Variants in ACOXL observed in about 807,000 individuals in gnomAD.
ACOXL encodes acyl-coenzyme A oxidase-like protein.
Under a neutral mutation model 71.9 loss-of-function variants are expected in ACOXL, and 70 were observed. The observed-to-expected ratio is 0.97, with a 90% CI of 0.80 to 1.19. ACOXL has a LOEUF of 1.19. ACOXL is among the 50% of genes most tolerant of loss of function. The pLI is 0.00. For missense variants in ACOXL, 703 were observed against 736.3 expected, an observed-to-expected ratio of 0.95 and a Z score of 0.52; for synonymous variants, 253 against 281.6, an observed-to-expected ratio of 0.90 and a Z score of 1.02.
At chr2:111,092,008 G>C (rs1386281602) in intron 16 of ACOXL, among the ~76,000 whole-genome samples, 1 of 152,154 alleles carries the variant, frequency 6.6e-6, no homozygotes, top group Admixed American at 6.5e-5. Flanking sequence ...AGAGGGTTTT[G>C]TTTTTGCTTG....
At chr2:111,116,172 C>T (rs2070340297) in intron 17 of ACOXL, among the ~76,000 whole-genome samples, 1 of 152,152 alleles carries the variant, frequency 6.6e-6, no homozygotes, top group Non-Finnish European at 1.5e-5. Flanking sequence ...TGGTTAAAGA[C>T]GTTGAGAGTT....
chr2:111,022,421 TCA>T (rs10543530), intron 14 of ACOXL, among the ~76,000 whole-genome samples: 58,941 of 147,264 alleles, frequency 0.4, 11,675 homozygotes, highest in South Asian at 0.49. Context: ...AGACCCCTCC[TCA>T]CACACACACA....
intron 12 of ACOXL, among the ~76,000 whole-genome samples, chr2:110,948,805 T>TCCAGGCAAAGTGGGCA (rs1272083649): frequency 6.7e-6 from 1 of 149,260 alleles, no homozygotes; most frequent in Non-Finnish European, 1.5e-5. Flanking sequence ...GGAACAGTCC[T>TCCAGGCAAAGTGGGCA]CCAGGCAAAG....
intron 11 of ACOXL, among the ~76,000 whole-genome samples, chr2:110,921,973 T>G (rs76748193): frequency 0.011 from 1,625 of 152,298 alleles, 35 homozygotes; most frequent in African/African-American, 0.038. Flanking sequence ...AAAATAGTGT[T>G]CTATGTACAC....
intron 12 of ACOXL, among the ~76,000 whole-genome samples, chr2:110,956,191 G>T (rs533501666): frequency 2.5e-4 from 38 of 152,182 alleles, no homozygotes; most frequent in African/African-American, 8.9e-4. Flanking sequence ...ATCTCAAAGT[G>T]CTGGGATTAC....
At chr2:110,913,388 A>G (rs2059718031) in intron 11 of ACOXL, among the ~76,000 whole-genome samples, 2 of 152,170 alleles carry the variant, frequency 1.3e-5, no homozygotes, top group African/African-American at 4.8e-5. Context: ...TAAACAAAAT[A>G]TGGCACATTC....
intron 12 of ACOXL, among the ~76,000 whole-genome samples, chr2:110,970,068 CCTCTTCTATTT>C (rs1233949299): frequency 6.6e-5 from 10 of 152,058 alleles, no homozygotes; most frequent in African/African-American, 2.4e-4. Context: ...GTTACTCTCT[CCTCTTCTATTT>C]TCAGAAAATT....
chr2:110,917,374 C>A (rs1393605654), intron 11 of ACOXL, among the ~76,000 whole-genome samples: 1 of 152,180 alleles, frequency 6.6e-6, no homozygotes, highest in East Asian at 1.9e-4. Flanking sequence ...TAAATACTCT[C>A]AATAAACTAG....
chr2:110,816,839 A>C (rs1217380692), intron 9 of ACOXL, among the ~76,000 whole-genome samples: 1 of 152,204 alleles, frequency 6.6e-6, no homozygotes, highest in African/African-American at 2.4e-5. Context: ...GCAGCTCCTC[A>C]AACAGGCCAC....
intron 2 of ACOXL, among the ~76,000 whole-genome samples, chr2:110,769,640 CTG>C (rs1681618376): frequency 6.6e-6 from 1 of 151,632 alleles, no homozygotes; most frequent in South Asian, 2.1e-4. Context: ...TGGTGAAACA[CTG>C]TTTCTACTAA....
At chr2:110,877,791 G>A (rs1696111052) in intron 10 of ACOXL, among the ~76,000 whole-genome samples, 1 of 152,250 alleles carries the variant, frequency 6.6e-6, no homozygotes. Flanking sequence ...GGAAGGGAGG[G>A]AAGCAGTGCC....
At chr2:111,075,034 G>C (rs2067527282) in intron 16 of ACOXL, among the ~76,000 whole-genome samples, 1 of 152,054 alleles carries the variant, frequency 6.6e-6, no homozygotes, top group African/African-American at 2.4e-5. Context: ...GAGAAATCTT[G>C]GTCTGTAGGT....
Position 110,838,449 on chromosome 2 carries a change from A to C in ACOXL, c.754-2922A>C, listed in dbSNP as rs116378828. The stretch of plus-strand genomic sequence containing the variant: ...TCAGAGCAGGGCGAGGGGCTTTGGA[A>C]AGGCCTGACTAGATGATGGAGGTTC... On this transcript the variant is annotated intron_variant, in intron 9 of 17. Transcript: ENST00000439055. Among the ~76,000 whole-genome samples the C allele has an allele frequency of 6.3e-3, 966 of 152,204 alleles. 11 individuals carry two copies. The highest frequency in any genetic ancestry group is 6.8e-3 in the Non-Finnish European group (460 of 68,008).
chr2:110,934,803 T>TG (rs1366494825), intron 12 of ACOXL, among the ~76,000 whole-genome samples: 1 of 151,748 alleles, frequency 6.6e-6, no homozygotes, highest in Non-Finnish European at 1.5e-5. Context: ...CTGATGATGG[T>TG]GGGGGGTGGG....
At chr2:111,015,843 T>C (rs1350972932) in intron 14 of ACOXL, among the ~76,000 whole-genome samples, 1 of 152,230 alleles carries the variant, frequency 6.6e-6, no homozygotes, top group African/African-American at 2.4e-5. Context: ...TTAGACATTA[T>C]GTTTAGTGAA....
chr2:110,968,164 A>G (rs61741441), intron 12 of ACOXL: 14,600 of 1,229,850 alleles, frequency 0.012, 144 homozygotes, highest in South Asian at 0.021. Flanking sequence ...CAGGCTTCTC[A>G]ATAGGTTTGG....
chr2:110,761,751 G>C (rs1680426335), intron 1 of ACOXL, among the ~76,000 whole-genome samples: 1 of 152,188 alleles, frequency 6.6e-6, no homozygotes, highest in South Asian at 2.1e-4. Flanking sequence ...GGCCAAATCA[G>C]CTAACTTCTC....
At chr2:111,083,844 C>A (rs2068059301) in intron 16 of ACOXL, among the ~76,000 whole-genome samples, 1 of 152,146 alleles carries the variant, frequency 6.6e-6, no homozygotes, top group Non-Finnish European at 1.5e-5. Context: ...AGGTCTACAA[C>A]TTTTAGCTTT....
chr2:111,059,027 G>A (rs563396937), intron 16 of ACOXL, among the ~76,000 whole-genome samples: 169 of 152,240 alleles, frequency 1.1e-3, no homozygotes, highest in Non-Finnish European at 1.7e-3. Context: ...ATCACTTGAG[G>A]CCAGGAGTTC....
Sources: gnomAD v4.1 joint callset for allele counts (sites outside exome capture counted in the v4.1 genomes callset) on GRCh38, gnomAD v4.1.1 for gene constraint, MANE v1.5 for transcripts, NCBI Gene and HGNC (gene_info 2026-07-23, HGNC 2026-07-21) for gene names.